The following NEGR1 variants were observed in gnomAD, a reference collection of about 807,000 sequenced individuals.
NEGR1 encodes the protein neuronal growth regulator 1.
In NEGR1, 10 loss-of-function variants were observed where a neutral mutation model predicts 40.9. That is an observed-to-expected ratio of 0.24 (90% confidence interval 0.15 to 0.42). The LOEUF is 0.42. NEGR1 is among the 10% of genes least tolerant of loss of function. The pLI is 1.00. For missense variants in NEGR1, 352 were observed against 438.9 expected (o/e 0.80, Z 1.77); for synonymous variants, 185 against 166.8 (o/e 1.11, Z -0.84).
chr1:72,156,201 TTGAA>T (rs1651351063), intron 1 of NEGR1, among the ~76,000 whole-genome samples: 1 of 152,272 alleles, frequency 6.6e-6, no homozygotes, highest in African/African-American at 2.4e-5. Context: ...CTCTATCTGT[TTGAA>T]TAATCATTTT....
chr1:71,921,709 T>C (rs984659239), intron 2 of NEGR1, among the ~76,000 whole-genome samples: 1 of 103,056 alleles, frequency 9.7e-6, no homozygotes, highest in Non-Finnish European at 1.8e-5. Flanking sequence ...CAAGAATATA[T>C]ATATATATAT....
At chr1:71,481,518 C>A (rs930130007) in intron 6 of NEGR1, among the ~76,000 whole-genome samples, 1 of 151,804 alleles carries the variant, frequency 6.6e-6, no homozygotes. Flanking sequence ...AACACTGAAC[C>A]ATACCTATTG....
intron 1 of NEGR1, among the ~76,000 whole-genome samples, chr1:72,138,837 C>A (rs1284813137): frequency 6.6e-6 from 1 of 151,920 alleles, no homozygotes; most frequent in African/African-American, 2.4e-5. Flanking sequence ...AAAACTCTAA[C>A]TCAACCAACT....
intron 1 of NEGR1, among the ~76,000 whole-genome samples, chr1:72,255,840 T>C (rs992083652): frequency 1.3e-5 from 2 of 152,138 alleles, no homozygotes; most frequent in Admixed American, 1.3e-4. Context: ...TGAGCCACTA[T>C]GGCCAGCCAA....
chr1:71,987,327 A>G (rs6424455), intron 1 of NEGR1, among the ~76,000 whole-genome samples: 27,199 of 152,170 alleles, frequency 0.18, 3,195 homozygotes, highest in African/African-American at 0.34. Flanking sequence ...TTCACATCTG[A>G]CACACAAAAA....
At chr1:71,424,024 T>C (rs1171933357) in intron 6 of NEGR1, among the ~76,000 whole-genome samples, 1 of 151,860 alleles carries the variant, frequency 6.6e-6, no homozygotes, top group Non-Finnish European at 1.5e-5. Flanking sequence ...TACACATCAG[T>C]TTGTAAAAGC....
At chr1:71,579,772 C>T (rs1649075411) in intron 6 of NEGR1, among the ~76,000 whole-genome samples, 2 of 152,006 alleles carry the variant, frequency 1.3e-5, no homozygotes, top group South Asian at 4.1e-4. Flanking sequence ...GGCTTATTTG[C>T]CCTAATATAT....
chr1:72,216,418 T>TAC (rs1297124516), intron 1 of NEGR1, among the ~76,000 whole-genome samples: 2 of 139,960 alleles, frequency 1.4e-5, no homozygotes, highest in Non-Finnish European at 3.0e-5. Flanking sequence ...TATATATATG[T>TAC]ATATCTATAT....
intron 6 of NEGR1, among the ~76,000 whole-genome samples, chr1:71,455,765 C>A (rs1349179287): frequency 6.6e-6 from 1 of 152,094 alleles, no homozygotes; most frequent in African/African-American, 2.4e-5. Flanking sequence ...CTTTTATCTG[C>A]ACTTTATTAC....
At chr1:71,553,065 T>G (rs1401801844) in intron 6 of NEGR1, among the ~76,000 whole-genome samples, 1 of 151,514 alleles carries the variant, frequency 6.6e-6, no homozygotes. Context: ...AAAAAAAACC[T>G]AGGCAATTTC....
At chr1:71,793,812 C>A (rs182908076) in intron 2 of NEGR1, among the ~76,000 whole-genome samples, 1 of 151,960 alleles carries the variant, frequency 6.6e-6, no homozygotes, top group East Asian at 1.9e-4. Context: ...TATATATAAT[C>A]ATGTCAATAG....
At chr1:71,558,719 T>A (rs1648335370) in intron 6 of NEGR1, among the ~76,000 whole-genome samples, 1 of 120,652 alleles carries the variant, frequency 8.3e-6, no homozygotes, top group Non-Finnish European at 1.8e-5. Context: ...CTTTCTTTTC[T>A]TTCTTTTTTT....
chr1:72,262,067 T>C (rs1655476793), intron 1 of NEGR1, among the ~76,000 whole-genome samples: 1 of 151,820 alleles, frequency 6.6e-6, no homozygotes, highest in South Asian at 2.1e-4. Flanking sequence ...AAAGAGCATA[T>C]CACGTGGGGG....
chr1:72,199,982 C>T (rs955983641), intron 1 of NEGR1, among the ~76,000 whole-genome samples: 3 of 151,948 alleles, frequency 2.0e-5, no homozygotes, highest in African/African-American at 7.2e-5. Flanking sequence ...GAGACACCAT[C>T]TCACACCAGT....
At chr1:71,426,615 G>A (rs1646430195) in intron 6 of NEGR1, among the ~76,000 whole-genome samples, 1 of 152,174 alleles carries the variant, frequency 6.6e-6, no homozygotes, top group Non-Finnish European at 1.5e-5. Flanking sequence ...AGAAAATTAT[G>A]TAAATCTGAT....
chr1:71,918,913 G>A (rs1426173), intron 2 of NEGR1, among the ~76,000 whole-genome samples: 83,647 of 151,962 alleles, frequency 0.55, 24,609 homozygotes, highest in African/African-American at 0.75. Flanking sequence ...CTGTTAAGCC[G>A]GGGTAACTGA....
At chr1:71,841,583 G>C (rs1659241516) in intron 2 of NEGR1, among the ~76,000 whole-genome samples, 1 of 152,098 alleles carries the variant, frequency 6.6e-6, no homozygotes, top group South Asian at 2.1e-4. Context: ...AGTATAATGT[G>C]GTGGTTATGA....
chr1:72,268,559 G>A (rs998407721), intron 1 of NEGR1, among the ~76,000 whole-genome samples: 15 of 151,236 alleles, frequency 9.9e-5, no homozygotes, highest in Non-Finnish European at 3.0e-5. Flanking sequence ...CATACTACAG[G>A]GACTCAATGC....
intron 4 of NEGR1, among the ~76,000 whole-genome samples, chr1:71,671,440 A>C (rs370126175): frequency 1.3e-5 from 2 of 152,214 alleles, no homozygotes; most frequent in African/African-American, 2.4e-5. Flanking sequence ...ATAAGGGGAA[A>C]TTGATAGAAA....
Sources: gnomAD v4.1 joint callset for allele counts (sites outside exome capture counted in the v4.1 genomes callset) on GRCh38, gnomAD v4.1.1 for gene constraint, MANE v1.5 for transcripts, NCBI Gene and HGNC (gene_info 2026-07-23, HGNC 2026-07-21) for gene names.